Variants in KIAA0232 observed in about 807,000 individuals in gnomAD.
KIAA0232 encodes the protein KIAA0232, also known as uncharacterized protein KIAA0232.
A neutral mutation model predicts 122.0 loss-of-function variants in KIAA0232; 27 were observed. The observed-to-expected ratio is 0.22, with a 90% confidence interval of 0.16 to 0.31. The LOEUF (loss-of-function observed/expected upper bound fraction) is 0.31, where lower values mean the gene tolerates loss of function less well. KIAA0232 is among the 10% of genes least tolerant of loss of function. The pLI is 1.00. For synonymous variants in KIAA0232, 613 were observed against 587.6 expected (o/e 1.04, Z -0.63); for missense variants, 1,551 against 1,634.2 (o/e 0.95, Z 0.88).
At chr4:6,840,613 C>T (rs1719597141) in intron 3 of KIAA0232, among the ~76,000 whole-genome samples, 1 of 152,228 alleles carries the variant, frequency 6.6e-6, no homozygotes, top group Non-Finnish European at 1.5e-5. Context: ...TGGGGAGTTC[C>T]TTAGTTGTAT....
At chr4:6,810,311 C>G (rs1717819369) in intron 2 of KIAA0232, among the ~76,000 whole-genome samples, 1 of 152,074 alleles carries the variant, frequency 6.6e-6, no homozygotes, top group African/African-American at 2.4e-5. Context: ...ACGCTACCAA[C>G]AACATACATC....
chr4:6,828,383 A>T (rs1166776151), intron 3 of KIAA0232, among the ~76,000 whole-genome samples: 1 of 152,246 alleles, frequency 6.6e-6, no homozygotes. Flanking sequence ...CTTAAAAAAT[A>T]AATAAATTTA....
chr4:6,880,737 T>C, intron 9 of KIAA0232, 50 bp from the exon 10 acceptor site: 2 of 1,319,912 alleles, frequency 1.5e-6, no homozygotes, highest in Non-Finnish European at 2.0e-6. Flanking sequence ...TCTCACCCTT[T>C]TGGGGAAAAA....
intron 3 of KIAA0232, 85 bp downstream of exon 3, chr4:6,824,769 A>G: frequency 9.0e-7 from 1 of 1,116,116 alleles, no homozygotes; most frequent in Non-Finnish European, 1.3e-6. Flanking sequence ...TTATACTTTA[A>G]AACTGAGCTA....
At chr4:6,791,315 CTTTTTTTTTTTTTTT>C (rs10716163) in intron 1 of KIAA0232, among the ~76,000 whole-genome samples, 49 of 82,664 alleles carry the variant, frequency 5.9e-4, no homozygotes, top group African/African-American at 2.6e-3. Flanking sequence ...GTCATAAAGC[CTTTTTTTTTTTTTTT>C]TTTTTTTTTT....
At chr4:6,812,698 G>A (rs1000536625) in intron 2 of KIAA0232, among the ~76,000 whole-genome samples, 2 of 151,952 alleles carry the variant, frequency 1.3e-5, no homozygotes, top group African/African-American at 4.8e-5. Context: ...AATATATATC[G>A]GCAAGTGAAT....
At chr4:6,824,738 A>G (rs758662119) in intron 3 of KIAA0232, 54 bp downstream of exon 3, 2 of 1,454,950 alleles carry the variant, frequency 1.4e-6, no homozygotes, top group Non-Finnish European at 1.9e-6. Context: ...GTATGTATAC[A>G]TTCCTCTTAA....
chr4:6,844,617 G>T (rs1468717820), intron 4 of KIAA0232, among the ~76,000 whole-genome samples: 1 of 151,956 alleles, frequency 6.6e-6, no homozygotes, highest in Non-Finnish European at 1.5e-5. Context: ...TGTATTTTTA[G>T]TAGAGATGGG....
intron 9 of KIAA0232, 21 bp from the exon 10 acceptor site, chr4:6,880,766 T>C: frequency 1.3e-6 from 2 of 1,488,316 alleles, no homozygotes; most frequent in Non-Finnish European, 1.8e-6. Context: ...TTTGATGTGT[T>C]GAAAATTGTT....
intron 9 of KIAA0232, among the ~76,000 whole-genome samples, chr4:6,879,728 G>C (rs540243804): frequency 4.3e-4 from 65 of 152,130 alleles, no homozygotes; most frequent in African/African-American, 1.5e-3. Context: ...GAGACAGTCC[G>C]ACACCACAGA....
At chr4:6,796,344 C>T (rs138049600) in intron 1 of KIAA0232, among the ~76,000 whole-genome samples, 8 of 152,074 alleles carry the variant, frequency 5.3e-5, no homozygotes, top group East Asian at 3.9e-4. Flanking sequence ...TGGGTTCAAG[C>T]GATTCTTATG....
In KIAA0232 at chr4:6,858,407, A is replaced by AT. The variant is rs1274975981; in HGVS notation, c.437-13dup. On this transcript the variant is annotated splice_polypyrimidine_tract_variant and intron_variant, in intron 5 of 9. Coordinates refer to ENST00000307659, the MANE Select transcript of KIAA0232 (RefSeq NM_014743.3). ...CTAGATATAAGACAAATCTTTCTTA[A>AT]TTTTTGTTTCATAACAGAAGAGAAG... The AT allele has an allele frequency of 2.0e-6, 3 of 1,497,528 alleles. No homozygotes were observed. Among genetic ancestry groups the AT allele is most frequent in the Non-Finnish European group, 2.7e-6 (3 of 1,093,090 alleles). 92.8% of individuals were successfully genotyped at this position (1,497,528 alleles called of 1,614,324 possible). A position where few individuals can be genotyped will look rare whatever the true frequency, so the allele number is the denominator to read the frequency against.
At position 6,860,872 on chromosome 4, in the gene KIAA0232, T is replaced by A. The variant is rs769941738; in HGVS notation, c.519-29T>A. ...TGTATCTAAAAAATCTGCATACTCG[T>A]GTTTTGAAGTCTTTACTCTGTTTTT... On this transcript the variant is annotated intron_variant, in intron 6 of 9. Coordinates refer to ENST00000307659, the MANE Select transcript of KIAA0232 (RefSeq NM_014743.3). 41 of 1,583,122 alleles carry A rather than the reference T, an allele frequency of 2.6e-5. No individual in the cohort carries two copies. In the South Asian group the frequency reaches 4.8e-4, roughly 18 times the overall value.
At chr4:6,805,212 T>C (rs1717562778) in intron 2 of KIAA0232, among the ~76,000 whole-genome samples, 1 of 152,224 alleles carries the variant, frequency 6.6e-6, no homozygotes, top group Non-Finnish European at 1.5e-5. Flanking sequence ...TTCAGAACCA[T>C]ATCTAAAGGC....
chr4:6,820,564 C>T (rs1230505182), intron 2 of KIAA0232, among the ~76,000 whole-genome samples: 1 of 152,132 alleles, frequency 6.6e-6, no homozygotes, highest in East Asian at 1.9e-4. Context: ...CATACAAGAA[C>T]TTAATAATAG....
At position 6,872,969 on chromosome 4, in the gene KIAA0232, C is replaced by G. The variant is rs541077835; in HGVS notation, c.3910+1287C>G. Reference sequence around the variant, plus strand: ...TCCCAGGACCCTGCCTTCCTCCTTCCCAGAGGTTCATCTGGGTCATAAGGA... The same window carrying G: ...TCCCAGGACCCTGCCTTCCTCCTTCGCAGAGGTTCATCTGGGTCATAAGGA... On this transcript the variant is annotated intron_variant, in intron 8 of 9. Coordinates refer to ENST00000307659, the MANE Select transcript of KIAA0232 (RefSeq NM_014743.3). Among the ~76,000 whole-genome samples, 63 of 152,314 alleles carry G rather than the reference C, an allele frequency of 4.1e-4. 1 individual carries two copies. The South Asian group carries it at 0.011, about 26-fold the overall frequency.
In KIAA0232 at chr4:6,855,726, T is replaced by C. The variant is rs1265422152; in HGVS notation, c.370-1438T>C. 6.4e-6 allele frequency: 2 copies of C among 313,256 alleles called. No individual in the cohort carries two copies. The highest frequency in any genetic ancestry group is 4.5e-5 in the African/African-American group (2 of 44,376). The allele number at this position is 313,256 out of a possible 1,614,324, so 19.4% of individuals were successfully genotyped here. A position where few individuals can be genotyped will look rare whatever the true frequency, so the allele number is the denominator to read the frequency against. On this transcript the variant is annotated intron_variant, in intron 4 of 9. Transcript: ENST00000307659. The surrounding 1 kb of genome is among the most constrained non-coding windows in gnomAD (Gnocchi z 4.3). The stretch of plus-strand genomic sequence containing the variant: ...GTATTGGAAGACGTTTAATAAGTGA[T>C]CCCTAGAGGTTCAGTGTTCTGCATT...
At chr4:6,819,397 T>A (rs1718313366) in intron 2 of KIAA0232, among the ~76,000 whole-genome samples, 1 of 151,736 alleles carries the variant, frequency 6.6e-6, no homozygotes, top group Admixed American at 6.6e-5. Context: ...ATTGGAAACT[T>A]AAACAGTTCA....
chr4:6,791,315 C>CT (rs10716163), intron 1 of KIAA0232, among the ~76,000 whole-genome samples: 2,254 of 82,654 alleles, frequency 0.027, 704 homozygotes, highest in African/African-American at 0.077. Flanking sequence ...GTCATAAAGC[C>CT]TTTTTTTTTT....
Sources: gnomAD v4.1 joint callset for allele counts (sites outside exome capture counted in the v4.1 genomes callset) on GRCh38, gnomAD v4.1.1 for gene constraint, Gnocchi (gnomAD v3.1) non-coding constraint, MANE v1.5 for transcripts, NCBI Gene and HGNC (gene_info 2026-07-23, HGNC 2026-07-21) for gene names.